The following BABAM2 variants were observed in gnomAD, a reference collection of about 807,000 sequenced individuals.
BABAM2 encodes the protein BRISC and BRCA1 A complex member 2.
BABAM2 carries 31 observed loss-of-function variants against 54.7 expected under a neutral mutation model. The observed-to-expected ratio is 0.57, with a 90% confidence interval of 0.43 to 0.77. BABAM2 has a LOEUF of 0.77. Among genes scored for constraint, BABAM2 ranks in the 30% least tolerant of loss-of-function variants. The pLI, the probability that BABAM2 is intolerant of heterozygous loss-of-function variation, is 0.00. For missense variants in BABAM2, 364 were observed against 455.8 expected (o/e 0.80, Z 1.83); for synonymous variants, 167 against 162.9 (o/e 1.03, Z -0.19).
intron 11 of BABAM2, among the ~76,000 whole-genome samples, chr2:28,332,546 T>A (rs910119082): frequency 5.3e-5 from 8 of 152,196 alleles, no homozygotes. Flanking sequence ...AGTGCAGTGC[T>A]CTTTCCACTT....
intron 5 of BABAM2, among the ~76,000 whole-genome samples, chr2:28,028,360 T>G (rs1676027572): frequency 1.3e-5 from 2 of 152,024 alleles, no homozygotes; most frequent in African/African-American, 2.4e-5. Flanking sequence ...ATTCTATTTG[T>G]TAGGTCCAAT....
rs915121409 is a variant in BABAM2 at position 28,152,122 on chromosome 2, A to G, written c.680+22742A>G. ...GCCTTTAAGCTATAACATTCTGTCT[A>G]TAGCACCCCTTTTCTATCCCCCAAA... On this transcript the variant is annotated intron_variant, in intron 7 of 11. Coordinates refer to ENST00000379624, the MANE Select transcript of BABAM2 (RefSeq NM_199191.3). Among the ~76,000 whole-genome samples, 7 of 152,320 alleles carry G rather than the reference A, an allele frequency of 4.6e-5. No homozygotes were observed. The South Asian group carries it at 1.2e-3, about 27-fold the overall frequency.
chr2:28,129,453 A>G, intron 7 of BABAM2, 73 bp downstream of exon 7: 1 of 1,220,226 alleles, frequency 8.2e-7, no homozygotes, highest in Non-Finnish European at 1.2e-6. Flanking sequence ...TTCTTTTGCC[A>G]CTCTTGAACT....
At chr2:28,242,744 T>G (rs1175792902) in intron 9 of BABAM2, among the ~76,000 whole-genome samples, 1 of 152,190 alleles carries the variant, frequency 6.6e-6, no homozygotes, top group Non-Finnish European at 1.5e-5. Flanking sequence ...AAACCAATTT[T>G]AAGACATTTT....
At chr2:28,306,736 G>A (rs1244654751) in intron 11 of BABAM2, among the ~76,000 whole-genome samples, 7 of 149,716 alleles carry the variant, frequency 4.7e-5, no homozygotes, top group East Asian at 2.0e-4. Flanking sequence ...TCACTCTGTC[G>A]CCCAGATTGG....
chr2:28,319,092 A>G (rs1689807538), intron 11 of BABAM2, among the ~76,000 whole-genome samples: 1 of 152,226 alleles, frequency 6.6e-6, no homozygotes. Flanking sequence ...ATTAGGAAGG[A>G]AGAAATCTTC....
At chr2:28,284,678 C>T (rs1037827253) in intron 10 of BABAM2, among the ~76,000 whole-genome samples, 3 of 152,112 alleles carry the variant, frequency 2.0e-5, no homozygotes, top group African/African-American at 7.2e-5. Context: ...TTCCAAAGGA[C>T]TCTGAATTTA....
intron 7 of BABAM2, among the ~76,000 whole-genome samples, chr2:28,226,010 C>G (rs922116993): frequency 6.6e-6 from 1 of 152,066 alleles, no homozygotes; most frequent in Non-Finnish European, 1.5e-5. Flanking sequence ...AAATCCAGCC[C>G]ACAGCTAAGA....
intron 7 of BABAM2, among the ~76,000 whole-genome samples, chr2:28,152,050 A>G (rs1455365782): frequency 6.6e-6 from 1 of 152,194 alleles, no homozygotes; most frequent in Non-Finnish European, 1.5e-5. Flanking sequence ...TAAATCTACC[A>G]TGTTAGAATA....
At chr2:27,919,349 T>G (rs1221940672) in intron 2 of BABAM2, among the ~76,000 whole-genome samples, 1 of 152,224 alleles carries the variant, frequency 6.6e-6, no homozygotes, top group Non-Finnish European at 1.5e-5. Context: ...ATACTCCTTA[T>G]TTCCTCCATC....
intron 6 of BABAM2, among the ~76,000 whole-genome samples, chr2:28,112,808 A>G (rs1421084960): frequency 3.3e-5 from 5 of 152,084 alleles, no homozygotes; most frequent in African/African-American, 1.2e-4. Context: ...GGTTGAACTA[A>G]TTTACACTCT....
chr2:28,270,216 G>A (rs1026077613), intron 10 of BABAM2, among the ~76,000 whole-genome samples: 4 of 152,026 alleles, frequency 2.6e-5, no homozygotes, highest in African/African-American at 9.7e-5. Context: ...CAAACTCCTA[G>A]ACTCAAGCCA....
At chr2:27,976,358 A>G (rs1465260350) in intron 3 of BABAM2, among the ~76,000 whole-genome samples, 1 of 152,122 alleles carries the variant, frequency 6.6e-6, no homozygotes, top group Non-Finnish European at 1.5e-5. Context: ...TGTACAATGG[A>G]ATATACTAGT....
rs75125875 is a variant in BABAM2 at position 28,056,336 on chromosome 2, A to G, written c.570+10537A>G. Among the ~76,000 whole-genome samples the G allele has an allele frequency of 7.9e-4, 120 of 152,332 alleles. No individual in the cohort carries two copies. The East Asian group carries it at 0.02, about 25-fold the overall frequency. On this transcript the variant is annotated intron_variant, in intron 6 of 11. Coordinates refer to ENST00000379624, the MANE Select transcript of BABAM2 (RefSeq NM_199191.3). ...TGGATGTATTAATTTCCTTCACTGT[A>G]GTAACCTTTTTATTGTCTGTATATA... is the stretch of plus-strand genomic sequence containing the variant.
Position 28,329,702 on chromosome 2 carries a change from C to T in BABAM2, c.1089-8748C>T, listed in dbSNP as rs1250874305. ...GAGGCAGTAATAAATAGCCTACCAA[C>T]CAAAAAAAGCCCAGGACCAGATGAA... On this transcript the variant is annotated intron_variant, in intron 11 of 11. Coordinates refer to ENST00000379624, the MANE Select transcript of BABAM2 (RefSeq NM_199191.3). This position sits in a 1 kb window ranked among gnomAD's most constrained non-coding sequence, Gnocchi z 4.2. 6.6e-6 allele frequency among the ~76,000 whole-genome samples: 1 copy of T among 152,074 alleles called. No individual in the cohort carries two copies. The highest frequency in any genetic ancestry group is 1.5e-5 in the Non-Finnish European group (1 of 68,012).
At chr2:27,890,221 C>G (rs756995099), upstream of BABAM2, 10 of 1,602,056 alleles carry the variant, frequency 6.2e-6, no homozygotes, top group East Asian at 1.3e-4. This position sits in a 1 kb window ranked among gnomAD's most constrained non-coding sequence, Gnocchi z 4.8. Context: ...GCCTCCTCCC[C>G]CGAGCCGCAG....
chr2:28,122,286 T>C (rs769386600), intron 6 of BABAM2, among the ~76,000 whole-genome samples: 3 of 152,162 alleles, frequency 2.0e-5, no homozygotes, highest in African/African-American at 4.8e-5. Flanking sequence ...CACTTAATTC[T>C]GAGTCTAGCT....
chr2:28,166,933 C>T (rs1369414590), intron 7 of BABAM2, among the ~76,000 whole-genome samples: 1 of 152,110 alleles, frequency 6.6e-6, no homozygotes, highest in African/African-American at 2.4e-5. Flanking sequence ...GGGAGATATC[C>T]AAGAGACAGT....
chr2:28,163,250 G>A (rs544776587), intron 7 of BABAM2, among the ~76,000 whole-genome samples: 4 of 152,102 alleles, frequency 2.6e-5, no homozygotes, highest in Non-Finnish European at 4.4e-5. Flanking sequence ...GGGTGCCAGC[G>A]CTTCTTCCAG....
Sources: gnomAD v4.1 joint callset for allele counts (sites outside exome capture counted in the v4.1 genomes callset) on GRCh38, gnomAD v4.1.1 for gene constraint, Gnocchi (gnomAD v3.1) non-coding constraint, MANE v1.5 for transcripts, NCBI Gene and HGNC (gene_info 2026-07-23, HGNC 2026-07-21) for gene names.